The following SNX9 variants were observed in gnomAD, a reference collection of about 807,000 sequenced individuals.
SNX9 encodes the protein sorting nexin 9, also known as sorting nexin-9.
Under a neutral mutation model 89.4 loss-of-function variants are expected in SNX9, and 44 were observed. The observed-to-expected ratio is 0.49, with a 90% CI of 0.39 to 0.63. SNX9 has a LOEUF of 0.63. Among genes scored for constraint, SNX9 ranks in the 30% least tolerant of loss-of-function variants. The pLI, the probability that SNX9 is intolerant of heterozygous loss-of-function variation, is 0.00. For missense variants in SNX9, 578 were observed against 736.1 expected (o/e 0.79, Z 2.49); for synonymous variants, 236 against 247.8 (o/e 0.95, Z 0.45).
chr6:157,864,372 G>A (rs1241445117), intron 1 of SNX9, among the ~76,000 whole-genome samples: 4 of 152,024 alleles, frequency 2.6e-5, no homozygotes, highest in Admixed American at 6.6e-5. Context: ...AGTTTTGGAG[G>A]GTCCAAACCC....
At chr6:157,910,212 A>G (rs1361365487) in intron 9 of SNX9, among the ~76,000 whole-genome samples, 187 bp downstream of exon 9, 1 of 152,256 alleles carries the variant, frequency 6.6e-6, no homozygotes, top group Non-Finnish European at 1.5e-5. Context: ...GAAGTTGCCT[A>G]AACGTCTCAC....
chr6:157,823,425 C>G lies in SNX9; in HGVS notation c.-10C>G. On this transcript the variant is annotated 5_prime_UTR_variant, in exon 1 of 18. Coordinates refer to ENST00000392185, the MANE Select transcript of SNX9 (RefSeq NM_016224.5). The surrounding 1 kb of genome is among the most constrained non-coding windows in gnomAD (Gnocchi z 4.6). The stretch of plus-strand genomic sequence containing the variant: ...GAGCCGGCCGTCCCGGGCCGGGGGA[C>G]CCGCCCGCCATGGCCACCAAGGTGA... 2 of 1,248,680 alleles carry G rather than the reference C, an allele frequency of 1.6e-6. No individual in the cohort carries two copies. Among genetic ancestry groups the G allele is most frequent in the Non-Finnish European group, 2.0e-6 (2 of 995,918 alleles). 77.4% of individuals were successfully genotyped at this position (1,248,680 alleles called of 1,614,324 possible). A position where few individuals can be genotyped will look rare whatever the true frequency, so the allele number is the denominator to read the frequency against.
intron 1 of SNX9, among the ~76,000 whole-genome samples, chr6:157,844,594 T>G (rs931005094): frequency 7.3e-6 from 1 of 137,618 alleles, no homozygotes; most frequent in African/African-American, 2.9e-5. Flanking sequence ...CTTGTTTTTT[T>G]TTTTTGTTTT....
At chr6:157,906,283 C>A in intron 7 of SNX9, 71 bp downstream of exon 7, 2 of 1,192,842 alleles carry the variant, frequency 1.7e-6, no homozygotes, top group Non-Finnish European at 2.4e-6. Context: ...TAAAGCTAAG[C>A]GAGTTATTCA....
At chr6:157,919,784 CG>C (rs1314262037) in intron 9 of SNX9, among the ~76,000 whole-genome samples, 1 of 151,978 alleles carries the variant, frequency 6.6e-6, no homozygotes, top group East Asian at 1.9e-4. Context: ...TATTTCTTTG[CG>C]TATCTCTTAA....
At chr6:157,938,290 A>G (rs890203889) in intron 15 of SNX9, among the ~76,000 whole-genome samples, 7 of 152,252 alleles carry the variant, frequency 4.6e-5, no homozygotes, top group South Asian at 4.1e-4. Flanking sequence ...ACCTAGCCAC[A>G]TGACTTCCAA....
At chr6:157,862,120 A>G (rs537058747) in intron 1 of SNX9, among the ~76,000 whole-genome samples, 1 of 152,338 alleles carries the variant, frequency 6.6e-6, no homozygotes, top group South Asian at 2.1e-4. Context: ...ATATTTTCCA[A>G]CTGCATTTGA....
chr6:157,838,604 G>A (rs902217417), intron 1 of SNX9, among the ~76,000 whole-genome samples: 1 of 152,128 alleles, frequency 6.6e-6, no homozygotes, highest in Non-Finnish European at 1.5e-5. Context: ...GCCATAGTGT[G>A]AAAATTTTAT....
In SNX9 at chr6:157,867,270, C is replaced by T. The variant is rs921395656; in HGVS notation, c.13-277C>T. On this transcript the variant is annotated intron_variant, in intron 1 of 17. Transcript: ENST00000392185. ...GCACTCAACCAAAATAGGTATATTT[C>T]GAGTAACTTTTTTAGGGTTGATCTC... 3.3e-5 allele frequency among the ~76,000 whole-genome samples: 5 copies of T among 152,128 alleles called. No homozygotes were observed. In the South Asian group the frequency reaches 6.2e-4, roughly 19 times the overall value.
At chr6:157,825,818 C>A (rs1392183495) in intron 1 of SNX9, among the ~76,000 whole-genome samples, 6 of 152,088 alleles carry the variant, frequency 3.9e-5, no homozygotes, top group Non-Finnish European at 8.8e-5. Flanking sequence ...TCCCTTCCCC[C>A]ATATGCACAC....
chr6:157,894,465 TAAAAAAAAA>T (rs1173887333), intron 4 of SNX9, among the ~76,000 whole-genome samples: 3 of 100,732 alleles, frequency 3.0e-5, no homozygotes, highest in Non-Finnish European at 4.0e-5. Context: ...ATTTAAATGT[TAAAAAAAAA>T]AAAAAAAAAA....
chr6:157,905,759 G>T (rs561869402), intron 6 of SNX9, among the ~76,000 whole-genome samples: 1 of 152,270 alleles, frequency 6.6e-6, no homozygotes, highest in Admixed American at 6.5e-5. Context: ...TGTGGCTATT[G>T]CCCCCTGTGG....
At chr6:157,885,776 T>C (rs1008394339) in intron 4 of SNX9, among the ~76,000 whole-genome samples, 1 of 152,156 alleles carries the variant, frequency 6.6e-6, no homozygotes, top group African/African-American at 2.4e-5. Flanking sequence ...TAGCCTGCGA[T>C]TGGGAACTCC....
intron 7 of SNX9, among the ~76,000 whole-genome samples, chr6:157,908,952 G>A (rs571997887): frequency 1.8e-4 from 28 of 152,308 alleles, no homozygotes; most frequent in Admixed American, 2.6e-4. Flanking sequence ...CGTGATACCC[G>A]GGGGTTGGAA....
At chr6:157,849,726 CTTT>C (rs1435372432) in intron 1 of SNX9, among the ~76,000 whole-genome samples, 1 of 152,026 alleles carries the variant, frequency 6.6e-6, no homozygotes, top group African/African-American at 2.4e-5. Flanking sequence ...CTTTCAGTTT[CTTT>C]TTGGGTGAGT....
intron 1 of SNX9, among the ~76,000 whole-genome samples, chr6:157,841,709 T>C (rs1013606459): frequency 2.0e-5 from 3 of 151,958 alleles, no homozygotes; most frequent in Admixed American, 6.6e-5. Flanking sequence ...CCCTCTGCCA[T>C]GTCCAGGGTG....
chr6:157,928,913 G>A (rs2115203825), intron 12 of SNX9, among the ~76,000 whole-genome samples: 1 of 152,228 alleles, frequency 6.6e-6, no homozygotes, highest in Admixed American at 6.5e-5. Flanking sequence ...AAATCTCATA[G>A]GGAACACCAC....
intron 2 of SNX9, among the ~76,000 whole-genome samples, chr6:157,870,374 C>T (rs1782374694): frequency 6.6e-6 from 1 of 151,626 alleles, no homozygotes; most frequent in Non-Finnish European, 1.5e-5. Context: ...AGCACTCACC[C>T]GTGTGAGTGC....
intron 2 of SNX9, among the ~76,000 whole-genome samples, chr6:157,869,982 A>G (rs1424176711): frequency 6.6e-6 from 1 of 151,894 alleles, no homozygotes; most frequent in Admixed American, 6.6e-5. Context: ...ACACACACGT[A>G]CCTTCTCACT....
Sources: gnomAD v4.1 joint callset for allele counts (sites outside exome capture counted in the v4.1 genomes callset) on GRCh38, gnomAD v4.1.1 for gene constraint, Gnocchi (gnomAD v3.1) non-coding constraint, MANE v1.5 for transcripts, NCBI Gene and HGNC (gene_info 2026-07-23, HGNC 2026-07-21) for gene names.